The following GSTA5 variants were observed in gnomAD, a reference collection of about 807,000 sequenced individuals.
GSTA5 encodes the protein glutathione S-transferase A5.
In GSTA5, 25 loss-of-function variants were observed where a neutral mutation model predicts 21.8. The observed-to-expected ratio is 1.14, with a 90% CI of 0.83 to 1.60. The LOEUF is 1.60. Among genes scored for constraint, GSTA5 ranks in the 40% most tolerant of loss-of-function variants. The pLI, the probability that GSTA5 is intolerant of heterozygous loss-of-function variation, is 0.00. For synonymous variants in GSTA5, 102 were observed against 89.5 expected, an observed-to-expected ratio of 1.14 and a Z score of -0.78; for missense variants, 330 against 259.2, an observed-to-expected ratio of 1.27 and a Z score of -1.88.
intron 4 of GSTA5, among the ~76,000 whole-genome samples, chr6:52,833,773 A>G (rs1764250727): frequency 6.6e-6 from 1 of 152,172 alleles, no homozygotes; most frequent in Admixed American, 6.5e-5. Context: ...TTTCTGATGG[A>G]TCACTTTCAT....
intron 2 of GSTA5, 89 bp downstream of exon 2, chr6:52,837,469 C>A (rs1239201263): frequency 3.9e-5 from 31 of 800,558 alleles, no homozygotes; most frequent in South Asian, 6.2e-5. Flanking sequence ...ATATCACCCC[C>A]CACACACATA....
rs1489048100 is a variant in GSTA5, at chr6:52,831,911, G to A, written c.606C>T (p.Ser202=). Residue 202 remains serine (S), a synonymous_variant, in exon 6 of 6, where the codon AGC becomes AGT. Coordinates refer to ENST00000370989, the Ensembl canonical transcript of GSTA5. ...TCTCATCCATGGGAGGCTTTCTCTG[G>A]CTGCCAGGCTGCAGAAACTTCTTCA... 5.0e-6 allele frequency: 8 copies of A among 1,613,588 alleles called. No individual in the cohort carries two copies. In the African/African-American group the frequency reaches 1.1e-4, roughly 22 times the overall value.
chr6:52,836,324 C>G, exon 3 of GSTA5: 3 of 1,613,572 alleles, frequency 1.9e-6, no homozygotes, highest in Non-Finnish European at 2.5e-6. Context: ...AGCTTCATCC[C>G]GTCAATCTCA....
intron 1 of GSTA5, among the ~76,000 whole-genome samples, chr6:52,840,156 G>C (rs898766317): frequency 1.4e-4 from 21 of 152,050 alleles, no homozygotes; most frequent in African/African-American, 5.1e-4. Flanking sequence ...TGGAAATTAT[G>C]AACATGAATA....
At chr6:52,842,767 T>A (rs1052151370), upstream of GSTA5, among the ~76,000 whole-genome samples, 1 of 152,228 alleles carries the variant, frequency 6.6e-6, no homozygotes, top group Admixed American at 6.5e-5. Flanking sequence ...ATCTTTTTTT[T>A]ATACTTTAAA....
chr6:52,838,637 G>A lies in GSTA5; in HGVS notation c.88-1028C>T, dbSNP rs1222888515. On this transcript the variant is annotated intron_variant, in intron 1 of 5. Coordinates refer to ENST00000370989, the Ensembl canonical transcript of GSTA5. ...GGTTGCAGGTATTTAATACAGATAT[G>A]AAATTCAGTTATTACATAATGATGC... Among the ~76,000 whole-genome samples the A allele has an allele frequency of 3.9e-5, 6 of 152,308 alleles. No individual in the cohort carries two copies. The South Asian group carries it at 6.2e-4, about 16-fold the overall frequency.
chr6:52,839,165 G>A (rs2127324864), intron 1 of GSTA5, among the ~76,000 whole-genome samples: 1 of 152,302 alleles, frequency 6.6e-6, no homozygotes. Flanking sequence ...AAGGTGGGGT[G>A]GGGTTGGCAA....
At chr6:52,840,577 G>T in intron 1 of GSTA5, 150 bp downstream of exon 1, 1 of 726,026 alleles carries the variant, frequency 1.4e-6, no homozygotes, top group South Asian at 1.8e-5. Context: ...ACAATTTTTA[G>T]GTCAAATCTA....
At chr6:52,839,512 C>T (rs1764342432) in intron 1 of GSTA5, among the ~76,000 whole-genome samples, 1 of 152,220 alleles carries the variant, frequency 6.6e-6, no homozygotes, top group Non-Finnish European at 1.5e-5. Context: ...AAGTCCCAAG[C>T]CTTCGTGAAG....
chr6:52,833,571 T>C (rs1764247654), intron 4 of GSTA5, among the ~76,000 whole-genome samples: 1 of 152,244 alleles, frequency 6.6e-6, no homozygotes, highest in South Asian at 2.1e-4. Flanking sequence ...CACTCTGTTA[T>C]AATTTGCAAG....
intron 1 of GSTA5, among the ~76,000 whole-genome samples, chr6:52,839,204 T>A (rs771416804): frequency 9.2e-5 from 14 of 152,166 alleles, no homozygotes; most frequent in Non-Finnish European, 1.8e-4. Context: ...GTTGTGATCA[T>A]CAGCCTTAGG....
intron 3 of GSTA5, among the ~76,000 whole-genome samples, chr6:52,835,735 GC>G (rs1764283355): frequency 6.6e-6 from 1 of 152,174 alleles, no homozygotes; most frequent in Non-Finnish European, 1.5e-5. Flanking sequence ...CTGGGCACCA[GC>G]CTCTACTAGC....
chr6:52,838,914 A>C (rs1387692698), intron 1 of GSTA5, among the ~76,000 whole-genome samples: 1 of 152,232 alleles, frequency 6.6e-6, no homozygotes, highest in Non-Finnish European at 1.5e-5. Flanking sequence ...ACCCACATAC[A>C]TCAAGTAATA....
intron 5 of GSTA5, 110 bp from the exon 6 acceptor site, chr6:52,832,080 A>T: frequency 6.9e-7 from 1 of 1,459,282 alleles, no homozygotes; most frequent in Non-Finnish European, 9.2e-7. Context: ...AGTCCCCTCC[A>T]TGAGTACCAG....
chr6:52,836,024 G>A (rs983552910), intron 3 of GSTA5, among the ~76,000 whole-genome samples: 2 of 152,164 alleles, frequency 1.3e-5, no homozygotes, highest in South Asian at 2.1e-4. Flanking sequence ...TCCATGGACT[G>A]CATCCTCTTT....
At chr6:52,838,432 G>A (rs1042477227) in intron 1 of GSTA5, among the ~76,000 whole-genome samples, 25 of 152,356 alleles carry the variant, frequency 1.6e-4, no homozygotes, top group Middle Eastern at 3.4e-3. Flanking sequence ...AGTAGCAGGT[G>A]TATAGTAACT....
chr6:52,837,465 C>T, intron 2 of GSTA5, 93 bp downstream of exon 2: 2 of 772,558 alleles, frequency 2.6e-6, no homozygotes, highest in Non-Finnish European at 4.5e-6. Flanking sequence ...CTAAATATCA[C>T]CCCCCACACA....
In GSTA5 at chr6:52,832,834, C is replaced by G. The variant is rs188826035; in HGVS notation, c.546+25G>C. On this transcript the variant is annotated intron_variant, in intron 5 of 5. Transcript: ENST00000370989. ...CCCAATATAAGAGATGTGGGGCTGT[C>G]TCTCTGGGCTGTGAAATGGGTCACC... The G allele has an allele frequency of 7.6e-5, 122 of 1,613,506 alleles. No homozygotes were observed. The African/African-American group carries it at 1.2e-3, about 16-fold the overall frequency.
intron 1 of GSTA5, among the ~76,000 whole-genome samples, chr6:52,840,515 A>T (rs1764357471): frequency 1.3e-5 from 2 of 152,182 alleles, no homozygotes; most frequent in South Asian, 4.1e-4. Flanking sequence ...CTTTTTGATT[A>T]GTTTCTTAAT....
Sources: gnomAD v4.1 joint callset for allele counts (sites outside exome capture counted in the v4.1 genomes callset) on GRCh38, gnomAD v4.1.1 for gene constraint, MANE v1.5 for transcripts, NCBI Gene and HGNC (gene_info 2026-07-23, HGNC 2026-07-21) for gene names.